Variants in PCDHA9 observed in about 807,000 individuals in gnomAD.
PCDHA9 encodes the protein protocadherin alpha-9.
A neutral mutation model predicts 62.0 loss-of-function variants in PCDHA9; 62 were observed. The observed-to-expected ratio is 1.00, with a 90% CI of 0.81 to 1.23. The LOEUF is 1.23. PCDHA9 is among the 50% of genes most tolerant of loss of function. PCDHA9 has a pLI of 0.00. For synonymous variants in PCDHA9, 557 were observed against 567.6 expected (o/e 0.98, Z 0.27); for missense variants, 1,205 against 1,249.8 (o/e 0.96, Z 0.54).
intron 3 of PCDHA9, among the ~76,000 whole-genome samples, chr5:141,003,468 C>T (rs2098126270): frequency 6.6e-6 from 1 of 152,066 alleles, no homozygotes; most frequent in Non-Finnish European, 1.5e-5. Context: ...TGCACCACCA[C>T]AGTCTCGCTA....
rs77462249 is a variant in PCDHA9 at position 141,008,293 on chromosome 5, C to G, written c.2543-1334C>G. ...ATAGGAAATTGAAATAGCAGTTGTA[C>G]CCAACCCTAAACTGTAATTGAACAT... On this transcript the variant is annotated intron_variant, in intron 3 of 3. Coordinates refer to ENST00000532602, the MANE Select transcript of PCDHA9 (RefSeq NM_031857.2). 3.5e-3 allele frequency among the ~76,000 whole-genome samples: 527 copies of G among 152,254 alleles called. 1 individual carries two copies. The highest frequency in any genetic ancestry group is 5.9e-3 in the Non-Finnish European group (399 of 68,006).
chr5:140,998,690 A>G (rs1310258939), intron 3 of PCDHA9, among the ~76,000 whole-genome samples: 1 of 151,696 alleles, frequency 6.6e-6, no homozygotes, highest in Non-Finnish European at 1.5e-5. Flanking sequence ...TCAGCCTCCC[A>G]AGTAGCTGGG....
At chr5:140,874,492 C>G (rs1289000541) in intron 1 of PCDHA9, among the ~76,000 whole-genome samples, 2 of 152,196 alleles carry the variant, frequency 1.3e-5, no homozygotes, top group Non-Finnish European at 2.9e-5. Context: ...AGGTTGATAT[C>G]AAGTTCACAT....
At chr5:140,884,054 G>A (rs1313975286) in intron 1 of PCDHA9, 1 of 1,613,390 alleles carries the variant, frequency 6.2e-7, no homozygotes, top group Non-Finnish European at 8.5e-7. Flanking sequence ...GAAGGTGCGC[G>A]CGGTGGACGC....
At chr5:140,962,126 C>A (rs1429316991) in intron 1 of PCDHA9, among the ~76,000 whole-genome samples, 1 of 152,094 alleles carries the variant, frequency 6.6e-6, no homozygotes. Flanking sequence ...ACCTTGGCCT[C>A]GGCCTCCCAA....
intron 1 of PCDHA9, chr5:140,876,583 C>T: frequency 1.9e-6 from 3 of 1,614,194 alleles, no homozygotes; most frequent in Non-Finnish European, 2.5e-6. Flanking sequence ...CGTCATTGCC[C>T]TGATTAGCGT....
At chr5:140,862,842 G>T (rs1554157108) in intron 1 of PCDHA9, 2 of 572,864 alleles carry the variant, frequency 3.5e-6, no homozygotes, top group Middle Eastern at 3.7e-4. Context: ...CGGGCATGCC[G>T]CCTCTGAGCA....
chr5:140,974,720 C>T (rs1554236283), intron 1 of PCDHA9, among the ~76,000 whole-genome samples: 1 of 152,070 alleles, frequency 6.6e-6, no homozygotes, highest in African/African-American at 2.4e-5. Context: ...AAGCTGCTCT[C>T]GAACTCCTGT....
At chr5:140,929,935 T>C (rs1253092331) in intron 1 of PCDHA9, 1 of 152,218 alleles carries the variant, frequency 6.6e-6, no homozygotes, top group Non-Finnish European at 1.5e-5. Context: ...CAGTGTATTC[T>C]CTAGCCTATA....
chr5:140,953,576 C>T (rs1466296429), intron 1 of PCDHA9, among the ~76,000 whole-genome samples: 1 of 152,090 alleles, frequency 6.6e-6, no homozygotes, highest in Non-Finnish European at 1.5e-5. Flanking sequence ...CCTCCTCTCC[C>T]AAAACTGCCT....
intron 1 of PCDHA9, chr5:140,862,344 G>C (rs1303625702): frequency 3.0e-6 from 1 of 333,098 alleles, no homozygotes; most frequent in Non-Finnish European, 5.9e-6. Flanking sequence ...CCTAACTTCA[G>C]TGCCAAGGGA....
At chr5:140,908,911 T>C (rs535661545) in intron 1 of PCDHA9, among the ~76,000 whole-genome samples, 1 of 152,300 alleles carries the variant, frequency 6.6e-6, no homozygotes, top group South Asian at 2.1e-4. Flanking sequence ...TTCGTGGTTG[T>C]AGGAGGGGCC....
chr5:140,892,246 G>T lies in PCDHA9; in HGVS notation c.2394+41357G>T, dbSNP rs895446433. Among the ~76,000 whole-genome samples the T allele has an allele frequency of 5.9e-5, 9 of 152,166 alleles. No individual in the cohort carries two copies. In the East Asian group the frequency reaches 1.7e-3, roughly 29 times the overall value. Reference sequence around the variant, plus strand: ...GGTGTTTTGTCTCCACATAAACCTGGTTATCTTTGATTTTGTGCTGAAAGT... The same window carrying T: ...GGTGTTTTGTCTCCACATAAACCTGTTTATCTTTGATTTTGTGCTGAAAGT... On this transcript the variant is annotated intron_variant, in intron 1 of 3. Coordinates refer to ENST00000532602, the MANE Select transcript of PCDHA9 (RefSeq NM_031857.2).
At chr5:140,987,007 A>T (rs2097221901) in intron 3 of PCDHA9, among the ~76,000 whole-genome samples, 1 of 152,144 alleles carries the variant, frequency 6.6e-6, no homozygotes, top group Non-Finnish European at 1.5e-5. Context: ...TGAGGTCATG[A>T]GTTCGAGACC....
chr5:140,869,442 G>A (rs782686984), intron 1 of PCDHA9: 3 of 1,614,208 alleles, frequency 1.9e-6, no homozygotes, highest in African/African-American at 1.3e-5. Flanking sequence ...TGGACAGGCC[G>A]CTGCAGGTTT....
chr5:140,877,173 G>A (rs1292615979), intron 1 of PCDHA9: 3 of 1,613,710 alleles, frequency 1.9e-6, no homozygotes, highest in Non-Finnish European at 2.5e-6. Flanking sequence ...CACTGCTGGC[G>A]ACTCCGGCTG....
intron 1 of PCDHA9, chr5:140,967,776 C>T: frequency 1.2e-6 from 2 of 1,614,148 alleles, no homozygotes; most frequent in East Asian, 2.2e-5. Flanking sequence ...TATGTGCAGG[C>T]GACTGACCGG....
At chr5:140,918,584 A>G (rs1296882763) in intron 1 of PCDHA9, among the ~76,000 whole-genome samples, 1 of 152,212 alleles carries the variant, frequency 6.6e-6, no homozygotes, top group Non-Finnish European at 1.5e-5. Context: ...TATTGGCTAT[A>G]TGTTCTATAG....
rs571779587 is a variant in PCDHA9 at position 140,961,550 on chromosome 5, C to CT, written c.2395-17392dup. 1.8e-3 allele frequency among the ~76,000 whole-genome samples: 273 copies of CT among 152,148 alleles called. 1 individual carries two copies. Among genetic ancestry groups the CT allele is most frequent in the Middle Eastern group, 3.4e-3 (1 of 294 alleles). ...TAGATAGACTGTTCCTGCAGCATTT[C>CT]TTTTTTTAAATTTTGTTTTGATAAG... On this transcript the variant is annotated intron_variant, in intron 1 of 3. Transcript: ENST00000532602.
Sources: allele counts gnomAD v4.1 joint callset (sites outside exome capture counted in the v4.1 genomes callset), GRCh38; gene constraint gnomAD v4.1.1; transcripts MANE v1.5; gene names NCBI Gene and HGNC (gene_info 2026-07-23, HGNC 2026-07-21).